LRP1B: variants seen among roughly 807,000 people sequenced by gnomAD.
The protein encoded by LRP1B is LDL receptor related protein 1B.
A neutral mutation model predicts 556.6 loss-of-function variants in LRP1B; 217 were observed. The observed-to-expected ratio is 0.39, with a 90% CI of 0.35 to 0.44. LRP1B has a LOEUF of 0.44. Among genes scored for constraint, LRP1B ranks in the 20% least tolerant of loss-of-function variants. The pLI is 1.00. For synonymous variants in LRP1B, 2,047 were observed against 1,865.8 expected, an observed-to-expected ratio of 1.10 and a Z score of -2.50; for missense variants, 5,053 against 5,620.8, an observed-to-expected ratio of 0.90 and a Z score of 3.23.
intron 7 of LRP1B, among the ~76,000 whole-genome samples, chr2:141,133,728 T>TATA (rs1261024926): frequency 1.2e-4 from 18 of 152,030 alleles, no homozygotes; most frequent in Admixed American, 7.2e-4. Flanking sequence ...TATATGTATG[T>TATA]TGCAACTAAT....
At chr2:141,276,658 CTT>C (rs11353705) in intron 3 of LRP1B, among the ~76,000 whole-genome samples, 14,075 of 122,262 alleles carry the variant, frequency 0.12, 697 homozygotes, top group Admixed American at 0.18. Context: ...TTCTTTCTTT[CTT>C]TTTTTTTTTT....
intron 1 of LRP1B, among the ~76,000 whole-genome samples, chr2:141,992,319 G>A (rs1702371056): frequency 6.6e-6 from 1 of 152,074 alleles, no homozygotes; most frequent in African/African-American, 2.4e-5. Flanking sequence ...CATGGACTGA[G>A]TGGATGGGAA....
chr2:141,940,252 A>C (rs532792059), intron 1 of LRP1B, among the ~76,000 whole-genome samples: 10 of 152,292 alleles, frequency 6.6e-5, no homozygotes, highest in Non-Finnish European at 1.3e-4. Context: ...TTAGAATTCA[A>C]CAGCTCTCTG....
chr2:141,168,852 A>G (rs1480167025), intron 7 of LRP1B, among the ~76,000 whole-genome samples: 3 of 152,090 alleles, frequency 2.0e-5, no homozygotes, highest in Non-Finnish European at 4.4e-5. Context: ...GCTTTTGTGA[A>G]GATTAGATCA....
chr2:140,923,704 C>G lies in LRP1B; in HGVS notation c.3137-557G>C, dbSNP rs528541177. Among the ~76,000 whole-genome samples the G allele has an allele frequency of 6.8e-4, 104 of 151,878 alleles. 1 individual carries two copies. Among genetic ancestry groups the G allele is most frequent in the African/African-American group, 2.5e-3 (102 of 41,486 alleles). On this transcript the variant is annotated intron_variant, in intron 20 of 90. Transcript: ENST00000389484. ...ACAGGTAATAAATGTAACTTCTGGA[C>G]AAAGGATTTCAATTCTAGAATCAGA...
intron 43 of LRP1B, among the ~76,000 whole-genome samples, chr2:140,559,075 C>A (rs1680838197): frequency 6.6e-6 from 1 of 151,890 alleles, no homozygotes; most frequent in African/African-American, 2.4e-5. Context: ...AATAGTCTTG[C>A]AAAAATATCT....
chr2:140,434,841 C>A (rs1345774491), intron 66 of LRP1B, among the ~76,000 whole-genome samples: 1 of 152,094 alleles, frequency 6.6e-6, no homozygotes, highest in Non-Finnish European at 1.5e-5. Flanking sequence ...CTGAAAACAG[C>A]CTTTTTCATA....
At chr2:140,322,924 G>C (rs774975915) in intron 81 of LRP1B, among the ~76,000 whole-genome samples, 1 of 151,786 alleles carries the variant, frequency 6.6e-6, no homozygotes, top group Non-Finnish European at 1.5e-5. Flanking sequence ...AAAAGAACTG[G>C]AGGATGAGAG....
At chr2:140,968,426 T>C (rs546908672) in intron 18 of LRP1B, among the ~76,000 whole-genome samples, 1 of 152,228 alleles carries the variant, frequency 6.6e-6, no homozygotes, top group Non-Finnish European at 1.5e-5. Flanking sequence ...TCTCTTTTCT[T>C]ATTAGTCTTG....
At chr2:140,915,228 G>A (rs1043433992) in intron 21 of LRP1B, among the ~76,000 whole-genome samples, 3 of 152,020 alleles carry the variant, frequency 2.0e-5, no homozygotes, top group Admixed American at 2.0e-4. Context: ...TCAAAGAAGT[G>A]TTTTTCAGGT....
Position 141,703,566 on chromosome 2 carries a change from C to G in LRP1B, c.205+106713G>C, listed in dbSNP as rs559630248. ...GCCAAGGCACTTTGGATTGTCGGCT[C>G]ATTCTTTGAGTTTTAGAGGGATAGT... On this transcript the variant is annotated intron_variant, in intron 2 of 90. Transcript: ENST00000389484. Among the ~76,000 whole-genome samples the G allele has an allele frequency of 1.2e-4, 18 of 152,040 alleles. No homozygotes were observed. In the South Asian group the frequency reaches 3.7e-3, roughly 32 times the overall value.
At chr2:142,124,286 A>G (rs992147035) in intron 1 of LRP1B, among the ~76,000 whole-genome samples, 2 of 151,934 alleles carry the variant, frequency 1.3e-5, no homozygotes, top group African/African-American at 4.8e-5. Flanking sequence ...ACAAATTTGA[A>G]GTAATAGGGA....
At chr2:141,080,187 G>T (rs1699889720) in intron 7 of LRP1B, among the ~76,000 whole-genome samples, 1 of 152,192 alleles carries the variant, frequency 6.6e-6, no homozygotes, top group South Asian at 2.1e-4. Context: ...GGAGGATATG[G>T]CAAGCAGACT....
chr2:140,933,665 C>T (rs1695119468), intron 20 of LRP1B, among the ~76,000 whole-genome samples: 1 of 151,970 alleles, frequency 6.6e-6, no homozygotes, highest in Non-Finnish European at 1.5e-5. Context: ...TAATAATTGT[C>T]TTACTAAAAA....
At chr2:141,837,161 CA>C (rs1697311644) in intron 1 of LRP1B, among the ~76,000 whole-genome samples, 2 of 151,784 alleles carry the variant, frequency 1.3e-5, no homozygotes, top group Non-Finnish European at 2.9e-5. Context: ...TGGGGAACAT[CA>C]TAAGGATATA....
At chr2:141,919,471 TAA>T (rs1436008629) in intron 1 of LRP1B, among the ~76,000 whole-genome samples, 14 of 152,118 alleles carry the variant, frequency 9.2e-5, no homozygotes, top group Middle Eastern at 3.4e-3. Context: ...GACAAAATGT[TAA>T]GAGAGTATAT....
At chr2:141,904,283 G>A (rs1699698046) in intron 1 of LRP1B, among the ~76,000 whole-genome samples, 1 of 151,832 alleles carries the variant, frequency 6.6e-6, no homozygotes, top group Non-Finnish European at 1.5e-5. Context: ...TTCAATTTTA[G>A]CTTTGGAAAT....
intron 3 of LRP1B, among the ~76,000 whole-genome samples, chr2:141,371,690 G>C (rs1029120159): frequency 6.6e-6 from 1 of 152,004 alleles, no homozygotes; most frequent in East Asian, 1.9e-4. Flanking sequence ...ATATAGAAAT[G>C]TTCCTGATTT....
intron 2 of LRP1B, among the ~76,000 whole-genome samples, chr2:141,515,388 G>A (rs1684276577): frequency 6.6e-6 from 1 of 151,390 alleles, no homozygotes; most frequent in South Asian, 2.1e-4. Flanking sequence ...TCCCATCAGA[G>A]CAGAGTTAAA....
Sources: gnomAD v4.1 joint callset for allele counts (sites outside exome capture counted in the v4.1 genomes callset) on GRCh38, gnomAD v4.1.1 for gene constraint, MANE v1.5 for transcripts, NCBI Gene and HGNC (gene_info 2026-07-23, HGNC 2026-07-21) for gene names.